The following TGM1 variants were observed in gnomAD, a reference collection of about 807,000 sequenced individuals.
TGM1 encodes protein-glutamine gamma-glutamyltransferase K.
A neutral mutation model predicts 88.7 loss-of-function variants in TGM1; 63 were observed. The observed-to-expected ratio is 0.71, with a 90% CI of 0.58 to 0.88. The LOEUF (loss-of-function observed/expected upper bound fraction) is 0.88, where lower values mean the gene tolerates loss of function less well. TGM1 is among the 40% of genes least tolerant of loss of function. The pLI, the probability that TGM1 is intolerant of heterozygous loss-of-function variation, is 0.00. For missense variants in TGM1, 996 were observed against 1,118.0 expected, an observed-to-expected ratio of 0.89 and a Z score of 1.56; for synonymous variants, 415 against 431.1, an observed-to-expected ratio of 0.96 and a Z score of 0.46.
At position 24,255,942 on chromosome 14, in the gene TGM1, G is replaced by C; in HGVS notation, c.1491+47C>G. On this transcript the variant is annotated intron_variant, in intron 10 of 14. Transcript: ENST00000206765. This position sits in a 1 kb window ranked among gnomAD's most constrained non-coding sequence, Gnocchi z 4.0. ...AGTCAGCGGTGAAGTTGGGACCAGA[G>C]AACCCATGACTGAAGCCCAAGAAGG... 1 of 1,472,336 alleles carries C rather than the reference G, an allele frequency of 6.8e-7. No homozygotes were observed. The highest frequency in any genetic ancestry group is 9.3e-7 in the Non-Finnish European group (1 of 1,074,680). The allele number at this position is 1,472,336 out of a possible 1,614,324, so 91.2% of individuals were successfully genotyped here. A position where few individuals can be genotyped will look rare whatever the true frequency, so the allele number is the denominator to read the frequency against.
rs765815124 is a variant in TGM1 at position 24,255,327 on chromosome 14, G to A, written c.1645+37C>T. ...CAAGCACTTGGCAGGAACACTTGTT[G>A]TGGGGCCCAGAGCTGGCTGGGTTGG... On this transcript the variant is annotated intron_variant, in intron 11 of 14. Coordinates refer to ENST00000206765, the MANE Select transcript of TGM1 (RefSeq NM_000359.3). The surrounding 1 kb of genome is among the most constrained non-coding windows in gnomAD (Gnocchi z 4.0). 6 of 1,614,258 alleles carry A rather than the reference G, an allele frequency of 3.7e-6. No homozygotes were observed. Among genetic ancestry groups the A allele is most frequent in the Non-Finnish European group, 5.1e-6 (6 of 1,180,052 alleles).
chr14:24,261,988 A>G (rs775497132), intron 2 of TGM1, 46 bp downstream of exon 2: 3 of 1,611,660 alleles, frequency 1.9e-6, no homozygotes, highest in African/African-American at 1.3e-5. Context: ...CTCTGGTCCC[A>G]TTAAAGCCTT....
Position 24,259,939 on chromosome 14 carries a change from C to G in TGM1, c.876+1G>C. 1 of 1,613,932 alleles carries G rather than the reference C, an allele frequency of 6.2e-7. No homozygotes were observed. Among genetic ancestry groups the G allele is most frequent in the Non-Finnish European group, 8.5e-7 (1 of 1,179,818 alleles). On this transcript the variant is annotated splice_donor_variant, in intron 5 of 14. Coordinates refer to ENST00000206765, the MANE Select transcript of TGM1 (RefSeq NM_000359.3). LOFTEE classifies it high-confidence loss of function. This position sits in a 1 kb window ranked among gnomAD's most constrained non-coding sequence, Gnocchi z 5.7. ...TGTGACCCTGGCCAGCCGCACCATA[C>G]CTGGCCGTAGTTCCAGGTCCGCTCA...
chr14:24,258,142 G>T (rs1435338073), intron 9 of TGM1, 143 bp downstream of exon 9: 3 of 632,304 alleles, frequency 4.7e-6, no homozygotes, highest in Non-Finnish European at 8.6e-6. Flanking sequence ...CCACGTGGTG[G>T]TTCAGCTGAC....
chr14:24,262,018 G>C lies in TGM1; in HGVS notation c.319+16C>G, dbSNP rs755595758. ...AGCCTTTTAGCTCTCAGCTGAGGAG[G>C]ACAGACCGGCCTCACCTCGGATGGT... On this transcript the variant is annotated intron_variant, in intron 2 of 14. Coordinates refer to ENST00000206765, the MANE Select transcript of TGM1 (RefSeq NM_000359.3). 6.2e-7 allele frequency: 1 copy of C among 1,613,186 alleles called. No individual in the cohort carries two copies.
chr14:24,250,747 C>G (rs960562928), intron 14 of TGM1, among the ~76,000 whole-genome samples: 1 of 152,230 alleles, frequency 6.6e-6, no homozygotes, highest in Admixed American at 6.5e-5. Flanking sequence ...CTCCAGCAAT[C>G]TGCACGTTTC....
At chr14:24,250,961 G>GT (rs1194172782) in intron 14 of TGM1, among the ~76,000 whole-genome samples, 6 of 152,256 alleles carry the variant, frequency 3.9e-5, no homozygotes, top group African/African-American at 1.4e-4. Flanking sequence ...CCAAGGATGA[G>GT]TTTTTTTCAG....
Position 24,249,286 on chromosome 14 carries a change from T to G in TGM1, c.*27A>C. ...GGGGCAATGTCCTTGCTCATCTGACTCCAGTCCCATTGCTCCTGGCACGGG... is the reference window on the plus strand; with the variant it reads ...GGGGCAATGTCCTTGCTCATCTGACGCCAGTCCCATTGCTCCTGGCACGGG... On this transcript the variant is annotated 3_prime_UTR_variant, in exon 15 of 15. Transcript: ENST00000206765. 6.3e-7 allele frequency: 1 copy of G among 1,599,522 alleles called. No homozygotes were observed. Among genetic ancestry groups the G allele is most frequent in the South Asian group, 1.1e-5 (1 of 90,786 alleles).
chr14:24,249,159 G>A lies in TGM1; in HGVS notation c.*154C>T. ...TAGCATCTGTTCCCCCAGTGCAAGT[G>A]AAGACTGACTCCCTCTCCGGGAGCC... On this transcript the variant is annotated 3_prime_UTR_variant, in exon 15 of 15. Coordinates refer to ENST00000206765, the MANE Select transcript of TGM1 (RefSeq NM_000359.3). 1.4e-6 allele frequency: 1 copy of A among 697,494 alleles called. No homozygotes were observed. Among genetic ancestry groups the A allele is most frequent in the Non-Finnish European group, 2.6e-6 (1 of 387,058 alleles). 43.2% of individuals were successfully genotyped at this position (697,494 alleles called of 1,614,324 possible).
At chr14:24,260,825 A>T (rs1370308758) in intron 3 of TGM1, 127 bp from the exon 4 acceptor site, 5 of 1,277,598 alleles carry the variant, frequency 3.9e-6, no homozygotes, top group Non-Finnish European at 4.4e-6. Flanking sequence ...TTGGGCCATC[A>T]CCTTATTCTC....
rs1262712612 is a variant in TGM1, at chr14:24,254,712, C to T, written c.2040G>A (p.Leu680=). The T allele has an allele frequency of 6.2e-7, 1 of 1,614,012 alleles. No individual in the cohort carries two copies. Among genetic ancestry groups the T allele is most frequent in the East Asian group, 2.2e-5 (1 of 44,882 alleles). The change falls in exon 13 of 15, where the codon CTG becomes CTA. Residue 680 remains leucine (L), a synonymous_variant. Transcript: ENST00000206765. ...SGHVKESGQV[L]AKQHTFRLRT... The stretch of plus-strand genomic sequence containing the variant: ...GCAGACGGAAGGTGTGCTGCTTGGC[C>T]AGCACCTGCCCGCTCTCCTTGACGT...
chr14:24,253,891 T>C (rs1323256853), intron 14 of TGM1, among the ~76,000 whole-genome samples: 1 of 152,210 alleles, frequency 6.6e-6, no homozygotes, highest in East Asian at 1.9e-4. Context: ...TTACTAATGA[T>C]TCCTATGTGG....
Position 24,255,117 on chromosome 14 carries a change from C to G in TGM1, c.1782G>C (p.Leu594=). 6.2e-7 allele frequency: 1 copy of G among 1,614,168 alleles called. No homozygotes were observed. Among genetic ancestry groups the G allele is most frequent in the Non-Finnish European group, 8.5e-7 (1 of 1,180,046 alleles). Residue 594 remains leucine (L), a synonymous_variant, in exon 12 of 15, where the codon CTG becomes CTC. Transcript: ENST00000206765. The surrounding 1 kb of genome is among the most constrained non-coding windows in gnomAD (Gnocchi z 4.0). The part of the protein sequence containing the change: ...EAQDAVMGQD[L]MVSVMLINHS... ...GATTGATCAGCATCACAGAGACCAT[C>G]AGATCCTGCCCCATCACCGCGTCCT...
chr14:24,252,511 G>T (rs1468668175), intron 14 of TGM1, among the ~76,000 whole-genome samples: 1 of 152,214 alleles, frequency 6.6e-6, no homozygotes. Flanking sequence ...TGCCTGCTGG[G>T]CAAGACTAGC....
rs2040678811 is a variant in TGM1, at chr14:24,249,279, A to C, written c.*34T>G. The C allele has an allele frequency of 1.9e-6, 3 of 1,596,728 alleles. No individual in the cohort carries two copies. Among genetic ancestry groups the C allele is most frequent in the African/African-American group, 1.3e-5 (1 of 74,652 alleles). The stretch of plus-strand genomic sequence containing the variant: ...CTATCTTGGGGCAATGTCCTTGCTC[A>C]TCTGACTCCAGTCCCATTGCTCCTG... On this transcript the variant is annotated 3_prime_UTR_variant, in exon 15 of 15. Transcript: ENST00000206765.
At chr14:24,251,151 A>C (rs1409772476) in intron 14 of TGM1, among the ~76,000 whole-genome samples, 1 of 152,184 alleles carries the variant, frequency 6.6e-6, no homozygotes, top group Non-Finnish European at 1.5e-5. Context: ...ATTATCTTGA[A>C]GGTGTTTCTG....
chr14:24,249,596 T>C, intron 14 of TGM1, 55 bp from the exon 15 acceptor site: 1 of 1,478,830 alleles, frequency 6.8e-7, no homozygotes. Flanking sequence ...GAGTGGGGAG[T>C]AAGAGCTGAT....
intron 7 of TGM1, 86 bp from the exon 8 acceptor site, chr14:24,258,759 A>G: frequency 1.3e-6 from 2 of 1,573,884 alleles, no homozygotes; most frequent in Non-Finnish European, 1.7e-6. Context: ...GAGAAGGGCA[A>G]CTAGGATTGC....
chr14:24,255,523 G>C lies in TGM1; in HGVS notation c.1492-6C>G, dbSNP rs1043976771. 1 of 1,612,836 alleles carries C rather than the reference G, an allele frequency of 6.2e-7. No homozygotes were observed. Among genetic ancestry groups the C allele is most frequent in the Admixed American group, 1.7e-5 (1 of 60,028 alleles). ...TACACCTTGTCACTATTCACCTGTG[G>C]GGGGTGGGGGTGAGCAGGAATGAGT... On this transcript the variant is annotated splice_polypyrimidine_tract_variant and splice_region_variant and intron_variant, in intron 10 of 14. Transcript: ENST00000206765. This position sits in a 1 kb window ranked among gnomAD's most constrained non-coding sequence, Gnocchi z 4.0.
Sources: gnomAD v4.1 joint callset for allele counts (sites outside exome capture counted in the v4.1 genomes callset) on GRCh38, gnomAD v4.1.1 for gene constraint, Gnocchi (gnomAD v3.1) non-coding constraint, MANE v1.5 for transcripts, NCBI Gene and HGNC (gene_info 2026-07-23, HGNC 2026-07-21) for gene names.